The following SYTL5 variants were observed in gnomAD, a reference collection of about 807,000 sequenced individuals.
The protein encoded by SYTL5 is synaptotagmin like 5.
SYTL5 carries 34 observed loss-of-function variants against 55.9 expected under a neutral mutation model. That is an observed-to-expected ratio of 0.61 (90% CI 0.46 to 0.81). The LOEUF (loss-of-function observed/expected upper bound fraction) is 0.81, where lower values mean the gene tolerates loss of function less well. SYTL5 is among the 30% of genes least tolerant of loss of function. SYTL5 has a pLI of 0.00. For synonymous variants in SYTL5, 221 were observed against 188.7 expected, an observed-to-expected ratio of 1.17 and a Z score of -1.40; for missense variants, 637 against 546.7, an observed-to-expected ratio of 1.17 and a Z score of -1.65.
chrX:38,127,989 GGGAAATA>G lies in SYTL5; in HGVS notation c.*1260_*1266del, dbSNP rs1937702501. The G allele has an allele frequency of 8.9e-6, 1 of 112,124 alleles. No homozygotes were observed. Among genetic ancestry groups the G allele is most frequent in the Non-Finnish European group, 1.9e-5 (1 of 53,298 alleles). 9.2% of individuals were successfully genotyped at this position (112,124 alleles called of 1,213,427 possible). On this transcript the variant is annotated 3_prime_UTR_variant, in exon 17 of 17. Coordinates refer to ENST00000297875, the MANE Select transcript of SYTL5 (RefSeq NM_138780.3). ...GTCAGAGGGCCAAGATGAAGAGGCAGGGAAATATGCACTGCCCACAGTGAAGCCATGA... is the reference window on the plus strand; with the variant it reads ...GTCAGAGGGCCAAGATGAAGAGGCAGTGCACTGCCCACAGTGAAGCCATGA...
rs561806965 is a variant in SYTL5 at position 38,097,188 on chromosome X, G to A, written c.1062+954G>A. On this transcript the variant is annotated intron_variant, in intron 9 of 16. Coordinates refer to ENST00000297875, the MANE Select transcript of SYTL5 (RefSeq NM_138780.3). The stretch of plus-strand genomic sequence containing the variant: ...TAAAATCTAGCAGTGAATAAAAATA[G>A]CAATAAGTAAGTTTTATGCTAAGTA... 3.8e-4 allele frequency among the ~76,000 whole-genome samples: 42 copies of A among 110,821 alleles called. No homozygotes were observed. In the South Asian group the frequency reaches 0.015, roughly 40 times the overall value.
At position 38,054,423 on chromosome X, in the gene SYTL5, G is replaced by A. The variant is rs758743506; in HGVS notation, c.329+1G>A. ...AGTGCACTGTCTGTGACAAAATCGC[G>A]TGAGTTTCTTGATTTTTCATGGAAA... is the stretch of plus-strand genomic sequence containing the variant. On this transcript the variant is annotated splice_donor_variant, in intron 3 of 16. Coordinates refer to ENST00000297875, the MANE Select transcript of SYTL5 (RefSeq NM_138780.3). LOFTEE classifies it high-confidence loss of function. 1.7e-6 allele frequency: 2 copies of A among 1,206,475 alleles called. No individual in the cohort carries two copies. Among genetic ancestry groups the A allele is most frequent in the Non-Finnish European group, 2.2e-6 (2 of 891,581 alleles).
At chrX:37,963,115 A>T in the SYTL5 span, among the ~76,000 whole-genome samples, 1 of 111,344 alleles carries the variant, frequency 9.0e-6, no homozygotes, top group Non-Finnish European at 1.9e-5. Context: ...ATTTCTTAGT[A>T]TTTTAAGTAT....
upstream of SYTL5, among the ~76,000 whole-genome samples, chrX:38,003,741 T>C (rs1210806629): frequency 8.9e-6 from 1 of 112,019 alleles, no homozygotes; most frequent in Non-Finnish European, 1.9e-5. Context: ...AGTTCATATT[T>C]TGAGTTTTTA....
the SYTL5 span, among the ~76,000 whole-genome samples, chrX:37,953,950 A>C: frequency 1.8e-5 from 2 of 112,033 alleles, no homozygotes; most frequent in Non-Finnish European, 3.8e-5. Flanking sequence ...ATTTGTTTAT[A>C]GGCTGAGATA....
chrX:38,110,959 G>C (rs939800132), intron 13 of SYTL5, among the ~76,000 whole-genome samples: 3 of 111,368 alleles, frequency 2.7e-5, no homozygotes, highest in African/African-American at 9.8e-5. Flanking sequence ...TCCTACTTTT[G>C]GGATTCATGA....
chrX:38,069,215 A>G (rs973869150), intron 3 of SYTL5, among the ~76,000 whole-genome samples: 6 of 111,951 alleles, frequency 5.4e-5, no homozygotes, highest in African/African-American at 1.9e-4. Flanking sequence ...TTAACTTATC[A>G]TAGTAGTTTT....
intron 13 of SYTL5, among the ~76,000 whole-genome samples, chrX:38,119,959 A>T (rs1479011663): frequency 2.7e-5 from 3 of 112,430 alleles, no homozygotes; most frequent in Non-Finnish European, 5.6e-5. Context: ...GACATCAAAG[A>T]TGACAGGGAG....
At chrX:37,972,868 A>T in the SYTL5 span, among the ~76,000 whole-genome samples, 3 of 97,946 alleles carry the variant, frequency 3.1e-5, no homozygotes, top group East Asian at 3.6e-4. Flanking sequence ...AAGACCTGGG[A>T]TCCATAGAAA....
intron 6 of SYTL5, among the ~76,000 whole-genome samples, chrX:38,087,965 T>C (rs1936696681): frequency 8.9e-6 from 1 of 111,802 alleles, no homozygotes; most frequent in Non-Finnish European, 1.9e-5. Flanking sequence ...CAATACTCAA[T>C]TTCTTCATTT....
chrX:38,011,495 G>T (rs954582825), intron 1 of SYTL5, among the ~76,000 whole-genome samples: 1 of 111,006 alleles, frequency 9.0e-6, no homozygotes, highest in Non-Finnish European at 1.9e-5. Flanking sequence ...TTAGCCGGGC[G>T]CGGTGGCTGC....
chrX:37,918,540 C>T, the SYTL5 span, among the ~76,000 whole-genome samples: 1 of 112,121 alleles, frequency 8.9e-6, no homozygotes, highest in Non-Finnish European at 1.9e-5. Context: ...TAACTAAATG[C>T]TTATTTTTGT....
chrX:38,119,119 C>T (rs1050036535), intron 13 of SYTL5, among the ~76,000 whole-genome samples: 3 of 110,144 alleles, frequency 2.7e-5, no homozygotes, highest in Admixed American at 9.7e-5. Context: ...CAGCCACAAC[C>T]AAGATATTGC....
chrX:38,051,974 C>T (rs1019630133), intron 2 of SYTL5, among the ~76,000 whole-genome samples: 1 of 111,474 alleles, frequency 9.0e-6, no homozygotes, highest in Non-Finnish European at 1.9e-5. Context: ...GTGATGTACT[C>T]ATTAGAACTG....
chrX:38,014,078 C>T (rs1569155619), intron 1 of SYTL5, among the ~76,000 whole-genome samples: 1 of 112,166 alleles, frequency 8.9e-6, no homozygotes, highest in East Asian at 2.8e-4. Flanking sequence ...ATCCTACATC[C>T]TCTCTACACT....
At chrX:38,040,688 A>G (rs1204393280) in intron 2 of SYTL5, among the ~76,000 whole-genome samples, 1 of 111,866 alleles carries the variant, frequency 8.9e-6, no homozygotes, top group Non-Finnish European at 1.9e-5. Flanking sequence ...ATAGTACACC[A>G]TTGTGTATAT....
At chrX:37,941,035 A>G in the SYTL5 span, among the ~76,000 whole-genome samples, 1 of 112,188 alleles carries the variant, frequency 8.9e-6, no homozygotes, top group Admixed American at 9.4e-5. Flanking sequence ...GTAGAATTAG[A>G]TGCATTTGTT....
chrX:38,120,558 C>G (rs750780732), intron 14 of SYTL5, 92 bp downstream of exon 14: 1 of 670,282 alleles, frequency 1.5e-6, no homozygotes, highest in Admixed American at 2.5e-5. Flanking sequence ...ATATTTCTTT[C>G]ATATTACACA....
chrX:38,029,757 C>CAT (rs61401295), intron 1 of SYTL5, among the ~76,000 whole-genome samples: 33,079 of 111,139 alleles, frequency 0.3, 6,950 homozygotes, highest in African/African-American at 0.75. Flanking sequence ...TTACTTAAGT[C>CAT]GTGTACTAAA....
Sources: allele counts gnomAD v4.1 joint callset (sites outside exome capture counted in the v4.1 genomes callset), GRCh38; gene constraint gnomAD v4.1.1; transcripts MANE v1.5; gene names NCBI Gene and HGNC (gene_info 2026-07-23, HGNC 2026-07-21).